RADIL: variants seen among roughly 807,000 people sequenced by gnomAD.
RADIL encodes the protein ras-associating and dilute domain-containing protein.
RADIL carries 99 observed loss-of-function variants against 97.6 expected under a neutral mutation model. That is an observed-to-expected ratio of 1.01 (90% CI 0.86 to 1.20). The LOEUF (loss-of-function observed/expected upper bound fraction) is 1.20. Ranked by LOEUF, RADIL falls within the 50% of genes most tolerant of loss-of-function variation. The probability of loss-of-function intolerance (pLI) is 0.00; values close to 1 mark genes in which losing one functional copy is unlikely to be tolerated. For missense variants in RADIL, 1,765 were observed against 1,498.9 expected (o/e 1.18, Z -2.93); for synonymous variants, 803 against 691.8 (o/e 1.16, Z -2.52).
chr7:4,839,864 A>G (rs1367293438), intron 2 of RADIL, among the ~76,000 whole-genome samples: 2 of 152,084 alleles, frequency 1.3e-5, no homozygotes, highest in African/African-American at 4.8e-5. Flanking sequence ...TTCCTGCCTC[A>G]GCCTCCCAAG....
Position 4,817,419 on chromosome 7 carries a change from G to T in RADIL, c.1616-68C>A. 2.8e-6 allele frequency: 4 copies of T among 1,406,720 alleles called. No homozygotes were observed. The highest frequency in any genetic ancestry group is 3.9e-6 in the Non-Finnish European group (4 of 1,026,998). The allele number at this position is 1,406,720 out of a possible 1,614,324, so 87.1% of individuals were successfully genotyped here. A position where few individuals can be genotyped will look rare whatever the true frequency, so the allele number is the denominator to read the frequency against. On this transcript the variant is annotated intron_variant, in intron 6 of 14. Coordinates refer to ENST00000399583, the MANE Select transcript of RADIL (RefSeq NM_018059.5). This position sits in a 1 kb window ranked among gnomAD's most constrained non-coding sequence, Gnocchi z 8.3. ...GCTCAGGAACGCAGCAACTCAGCCA[G>T]CCGCCAGCTCTTTCCCTGGCGCGGG...
rs1028554379 is a variant in RADIL, at chr7:4,798,352, C to G, written c.*1026G>C. On this transcript the variant is annotated 3_prime_UTR_variant, in exon 15 of 15. Transcript: ENST00000399583. ...GACCCAGGACACCGATCTGGGGACC[C>G]CGCACAGACCTCTGTCCCAGTGAGA... is the stretch of plus-strand genomic sequence containing the variant. The G allele has an allele frequency of 6.6e-6, 1 of 152,158 alleles. No homozygotes were observed. Among genetic ancestry groups the G allele is most frequent in the African/African-American group, 2.4e-5 (1 of 41,440 alleles). 9.4% of individuals were successfully genotyped at this position (152,158 alleles called of 1,614,324 possible). A position where few individuals can be genotyped will look rare whatever the true frequency, so the allele number is the denominator to read the frequency against.
chr7:4,860,205 C>A (rs573330759), intron 2 of RADIL: 1 of 1,614,046 alleles, frequency 6.2e-7, no homozygotes, highest in African/African-American at 1.3e-5. Flanking sequence ...GATGAAGGCA[C>A]AGACATGCTG....
In RADIL at chr7:4,798,204, C is replaced by A. The variant is rs971699117; in HGVS notation, c.*1174G>T. 6.6e-6 allele frequency: 1 copy of A among 151,658 alleles called. No homozygotes were observed. Among genetic ancestry groups the A allele is most frequent in the South Asian group, 2.1e-4 (1 of 4,824 alleles). The allele number at this position is 151,658 out of a possible 1,614,324, so 9.4% of individuals were successfully genotyped here. ...GCAGTGGTCGCCGTTTCGAGCCAGG[C>A]GCAATGCGGAGCCGCACACAGAACT... On this transcript the variant is annotated 3_prime_UTR_variant, in exon 15 of 15. Coordinates refer to ENST00000399583, the MANE Select transcript of RADIL (RefSeq NM_018059.5).
chr7:4,839,556 C>A (rs548707660), intron 2 of RADIL, among the ~76,000 whole-genome samples: 7 of 151,684 alleles, frequency 4.6e-5, no homozygotes, highest in African/African-American at 1.5e-4. Context: ...TAGTATAGTG[C>A]CAGTATGTAA....
In RADIL at chr7:4,873,456, G is replaced by T. The variant is rs1184156041; in HGVS notation, c.535+4149C>A. Among the ~76,000 whole-genome samples, 1 of 152,178 alleles carries T rather than the reference G, an allele frequency of 6.6e-6. No individual in the cohort carries two copies. Among genetic ancestry groups the T allele is most frequent in the African/African-American group, 2.4e-5 (1 of 41,438 alleles). On this transcript the variant is annotated intron_variant, in intron 2 of 14. Transcript: ENST00000399583. The surrounding 1 kb of genome is among the most constrained non-coding windows in gnomAD (Gnocchi z 4.3). ...CTTTCTCGCCACTTTTTCCAGGTGAGATCGAACTGTTATCTCACCAGGGAT... is the reference window on the plus strand; with the variant it reads ...CTTTCTCGCCACTTTTTCCAGGTGATATCGAACTGTTATCTCACCAGGGAT...
At chr7:4,848,004 T>A (rs1783617677) in intron 2 of RADIL, among the ~76,000 whole-genome samples, 1 of 152,134 alleles carries the variant, frequency 6.6e-6, no homozygotes, top group African/African-American at 2.4e-5. Context: ...GAGACCAGCC[T>A]GGGTGACATG....
At position 4,807,496 on chromosome 7, in the gene RADIL, TGTCTCCTCTCCCTCCTCCCTCTCC is replaced by T. The variant is rs536122703; in HGVS notation, c.2140-1804_2140-1781del. On this transcript the variant is annotated intron_variant, in intron 9 of 14. Transcript: ENST00000399583. ...CTCTCCTTCTCCCCCTCCCTCTGTC[TGTCTCCTCTCCCTCCTCCCTCTCC>T]GTCTCCCCTCCCTCCTCTCTCCCTC... Among the ~76,000 whole-genome samples the T allele has an allele frequency of 7.2e-3, 1,047 of 146,242 alleles. 18 individuals carry two copies. The highest frequency in any genetic ancestry group is 0.026 in the African/African-American group (997 of 39,036).
rs1386305185 is a variant in RADIL, at chr7:4,880,284, A to C, written c.-64-2081T>G. 2.0e-5 allele frequency among the ~76,000 whole-genome samples: 3 copies of C among 152,120 alleles called. No homozygotes were observed. The South Asian group carries it at 6.2e-4, about 32-fold the overall frequency. On this transcript the variant is annotated intron_variant, in intron 1 of 14. Transcript: ENST00000399583. This position sits in a 1 kb window ranked among gnomAD's most constrained non-coding sequence, Gnocchi z 4.5. ...ACGAGTGGCCTTGTCAAATCCTAAG[A>C]AGCTCAGAGCCGGCCGCAGCTTCCC...
At chr7:4,875,221 AC>A (rs1784347316) in intron 2 of RADIL, among the ~76,000 whole-genome samples, 1 of 121,708 alleles carries the variant, frequency 8.2e-6, no homozygotes, top group African/African-American at 4.8e-5. Flanking sequence ...AACAACAACA[AC>A]AACAACAACA....
chr7:4,803,989 A>G, intron 10 of RADIL: 1 of 605,318 alleles, frequency 1.7e-6, no homozygotes. Flanking sequence ...CAGGACTGAG[A>G]ACAAGGCCTT....
At position 4,805,683 on chromosome 7, in the gene RADIL, C is replaced by A. The variant is rs374877677; in HGVS notation, c.2173G>T (p.Ala725Ser). 5 of 1,611,216 alleles carry A rather than the reference C, an allele frequency of 3.1e-6. No homozygotes were observed. The African/African-American group carries it at 6.7e-5, about 21-fold the overall frequency. The change falls in exon 10 of 15, where the codon GCA (alanine) becomes TCA (serine). Residue 725 changes from alanine (A) to serine (S), a missense_variant. Physicochemically the swap from Ala to Ser is moderately conservative, Grantham distance 99. Transcript: ENST00000399583. The part of the protein sequence containing the change: ...SWTALRAAFP[A>S]LSPAQLHRLL... ...CGGTGCAGCTGTGCTGGGCTCAGTG[C>A]GGGGAACGCAGCCCGCAGGGCTGTC... is the stretch of plus-strand genomic sequence containing the variant.
chr7:4,808,373 TA>T, intron 9 of RADIL, among the ~76,000 whole-genome samples: 1 of 152,096 alleles, frequency 6.6e-6, no homozygotes, highest in East Asian at 1.9e-4. Context: ...TTATGGATAC[TA>T]TATCTTCTCT....
At chr7:4,807,051 C>T (rs118036186) in intron 9 of RADIL, among the ~76,000 whole-genome samples, 2,349 of 152,268 alleles carry the variant, frequency 0.015, 33 homozygotes, top group Middle Eastern at 0.048. Context: ...CTGCCTTCCC[C>T]GCGCCCTCCA....
rs1227398814 is a variant in RADIL, at chr7:4,848,909, C to T, written c.536-12304G>A. On this transcript the variant is annotated intron_variant, in intron 2 of 14. Coordinates refer to ENST00000399583, the MANE Select transcript of RADIL (RefSeq NM_018059.5). ...ATCCCAGCACTTTGGGAGGCCGAGG[C>T]GGGCAGATCACCTGAGGTCAGGAGT... 3.9e-5 allele frequency among the ~76,000 whole-genome samples: 6 copies of T among 152,070 alleles called. No individual in the cohort carries two copies. The South Asian group carries it at 6.2e-4, about 16-fold the overall frequency.
At chr7:4,876,831 C>G (rs564738753) in intron 2 of RADIL, among the ~76,000 whole-genome samples, 1 of 152,208 alleles carries the variant, frequency 6.6e-6, no homozygotes, top group African/African-American at 2.4e-5. Flanking sequence ...ACCCGCGGTA[C>G]GCTGAGTGCA....
intron 2 of RADIL, among the ~76,000 whole-genome samples, chr7:4,850,237 A>C (rs1482504770): frequency 6.6e-6 from 1 of 150,662 alleles, no homozygotes; most frequent in Non-Finnish European, 1.5e-5. Context: ...AAAAAAAAAA[A>C]ACCTTTGACA....
At chr7:4,820,751 C>G (rs1782809093) in intron 6 of RADIL, among the ~76,000 whole-genome samples, 1 of 152,302 alleles carries the variant, frequency 6.6e-6, no homozygotes, top group East Asian at 1.9e-4. Context: ...CCGGCCTGTT[C>G]CACGCGCCCT....
chr7:4,817,430 T>C lies in RADIL; in HGVS notation c.1616-79A>G, dbSNP rs1782705758. On this transcript the variant is annotated intron_variant, in intron 6 of 14. Coordinates refer to ENST00000399583, the MANE Select transcript of RADIL (RefSeq NM_018059.5). This position sits in a 1 kb window ranked among gnomAD's most constrained non-coding sequence, Gnocchi z 8.3. Reference sequence around the variant, plus strand: ...CAGCAACTCAGCCAGCCGCCAGCTCTTTCCCTGGCGCGGGCACCACCCAAC... The same window carrying C: ...CAGCAACTCAGCCAGCCGCCAGCTCCTTCCCTGGCGCGGGCACCACCCAAC... 1 of 1,316,508 alleles carries C rather than the reference T, an allele frequency of 7.6e-7. No homozygotes were observed. The highest frequency in any genetic ancestry group is 1.0e-6 in the Non-Finnish European group (1 of 954,338). The allele number at this position is 1,316,508 out of a possible 1,614,324, so 81.6% of individuals were successfully genotyped here. A position where few individuals can be genotyped will look rare whatever the true frequency, so the allele number is the denominator to read the frequency against.
Sources: gnomAD v4.1 joint callset for allele counts (sites outside exome capture counted in the v4.1 genomes callset) on GRCh38, gnomAD v4.1.1 for gene constraint, Gnocchi (gnomAD v3.1) non-coding constraint, MANE v1.5 for transcripts, NCBI Gene and HGNC (gene_info 2026-07-23, HGNC 2026-07-21) for gene names.